Variants in ATRNL1 observed in about 807,000 individuals in gnomAD.
ATRNL1 encodes the protein attractin like 1.
A neutral mutation model predicts 182.7 loss-of-function variants in ATRNL1; 95 were observed. The observed-to-expected ratio is 0.52, with a 90% CI of 0.44 to 0.62. The LOEUF is 0.62. Among genes scored for constraint, ATRNL1 ranks in the 20% least tolerant of loss-of-function variants. The pLI is 0.00. For missense variants in ATRNL1, 1,471 were observed against 1,679.5 expected, an observed-to-expected ratio of 0.88 and a Z score of 2.17; for synonymous variants, 576 against 568.3, an observed-to-expected ratio of 1.01 and a Z score of -0.19.
intron 26 of ATRNL1, among the ~76,000 whole-genome samples, chr10:115,673,561 C>A (rs1945767197): frequency 6.6e-6 from 1 of 152,076 alleles, no homozygotes; most frequent in Non-Finnish European, 1.5e-5. Flanking sequence ...CCAGTAATTT[C>A]TAAGCCAAGT....
intron 26 of ATRNL1, among the ~76,000 whole-genome samples, chr10:115,663,859 A>G (rs898106218): frequency 6.6e-6 from 1 of 151,630 alleles, no homozygotes; most frequent in African/African-American, 2.4e-5. Context: ...CTTTTAGCAC[A>G]GTGGCCCCAT....
At chr10:115,217,839 A>G (rs1169693957) in intron 9 of ATRNL1, among the ~76,000 whole-genome samples, 2 of 152,178 alleles carry the variant, frequency 1.3e-5, no homozygotes, top group South Asian at 2.1e-4. Context: ...TTAAACACAC[A>G]AAGTTATCAG....
intron 21 of ATRNL1, among the ~76,000 whole-genome samples, chr10:115,447,261 A>G (rs1159447729): frequency 6.6e-6 from 1 of 151,842 alleles, no homozygotes; most frequent in Non-Finnish European, 1.5e-5. Flanking sequence ...ATAAAGCTTA[A>G]CGCCTTGCTC....
In ATRNL1 at chr10:115,266,996, C is replaced by T; in HGVS notation, c.1972C>T (p.Pro658Ser). The stretch of plus-strand genomic sequence containing the variant: ...TAATATTCTTAGAGCAAAGTGCCCT[C>T]CTAAAACAGGTAAATTTCTTTTTCT... Reference protein sequence around the residue: ...TNNILRAKCPPKTAASDDRCY... With the variant: ...TNNILRAKCPSKTAASDDRCY... Residue 658 changes from proline (P) to serine (S), a missense_variant, in exon 12 of 29, where the codon CCT becomes TCT. By Grantham distance (74) the Pro-to-Ser change is moderately conservative (BLOSUM62 -1). Transcript: ENST00000355044. 1.1e-5 allele frequency: 18 copies of T among 1,597,422 alleles called. No homozygotes were observed. The highest frequency in any genetic ancestry group is 1.5e-5 in the Non-Finnish European group (18 of 1,169,730).
chr10:115,760,936 T>C (rs1448133979), intron 27 of ATRNL1, among the ~76,000 whole-genome samples: 3 of 152,208 alleles, frequency 2.0e-5, no homozygotes, highest in African/African-American at 4.8e-5. Flanking sequence ...AGCTTTAGGA[T>C]AGGCGCAGTC....
At chr10:115,535,507 G>T (rs12359213) in intron 25 of ATRNL1, among the ~76,000 whole-genome samples, 58,868 of 146,588 alleles carry the variant, frequency 0.4, 12,469 homozygotes, top group Middle Eastern at 0.5. Flanking sequence ...TTATACATTA[G>T]TCTAAATTTT....
intron 21 of ATRNL1, among the ~76,000 whole-genome samples, chr10:115,429,800 GCTCACACCTGTAATCCCAGCA>G (rs1258223765): frequency 6.6e-6 from 1 of 152,098 alleles, no homozygotes; most frequent in Non-Finnish European, 1.5e-5. Flanking sequence ...GGGCGCTGTG[GCTCACACCTGTAATCCCAGCA>G]CTTTGGGAGG....
intron 24 of ATRNL1, among the ~76,000 whole-genome samples, chr10:115,488,852 G>T (rs1447137400): frequency 1.3e-5 from 2 of 152,108 alleles, no homozygotes; most frequent in Admixed American, 1.3e-4. Flanking sequence ...GCTTTCTGTT[G>T]TGGGCATTTA....
Position 115,874,020 on chromosome 10 carries a change from T to C in ATRNL1, c.4018+26029T>C, listed in dbSNP as rs113738535. Among the ~76,000 whole-genome samples the C allele has an allele frequency of 5.2e-3, 798 of 152,262 alleles. 7 individuals carry two copies. Among genetic ancestry groups the C allele is most frequent in the African/African-American group, 0.018 (749 of 41,550 alleles). On this transcript the variant is annotated intron_variant, in intron 28 of 28. Transcript: ENST00000355044. ...AGGTCTGAGAGGATCAAAATTGGTA[T>C]CCAGAAATGGCACCACCACTCTCCC...
chr10:115,866,925 C>T (rs868960485), intron 28 of ATRNL1, among the ~76,000 whole-genome samples: 1 of 152,152 alleles, frequency 6.6e-6, no homozygotes, highest in South Asian at 2.1e-4. Context: ...TCATGTGTGT[C>T]ACCAGCAGCT....
At chr10:115,318,438 GT>G (rs1554930390) in intron 18 of ATRNL1, among the ~76,000 whole-genome samples, 1 of 152,138 alleles carries the variant, frequency 6.6e-6, no homozygotes, top group African/African-American at 2.4e-5. Flanking sequence ...CCTTTCAGTT[GT>G]TTGGAATAGT....
chr10:115,653,132 C>G (rs1860116635), intron 26 of ATRNL1, among the ~76,000 whole-genome samples: 2 of 152,138 alleles, frequency 1.3e-5, no homozygotes, highest in African/African-American at 4.8e-5. Context: ...AGATTTATGA[C>G]ATTAAATGTA....
At chr10:115,525,307 G>A (rs187658126) in intron 25 of ATRNL1, among the ~76,000 whole-genome samples, 25 of 152,294 alleles carry the variant, frequency 1.6e-4, no homozygotes, top group East Asian at 1.3e-3. Flanking sequence ...TTGGCAGTTC[G>A]TCCAATCTTG....
intron 26 of ATRNL1, among the ~76,000 whole-genome samples, chr10:115,688,567 G>A (rs1946292542): frequency 1.3e-5 from 2 of 152,120 alleles, no homozygotes; most frequent in African/African-American, 2.4e-5. Flanking sequence ...GATTAGTGAC[G>A]TTGGGGCATT....
rs61866725 is a variant in ATRNL1 at position 115,815,415 on chromosome 10, A to G, written c.3904-32462A>G. Among the ~76,000 whole-genome samples the G allele has an allele frequency of 7.2e-3, 1,036 of 143,032 alleles. 7 individuals are homozygous for G. Among genetic ancestry groups the G allele is most frequent in the East Asian group, 0.05 (243 of 4,818 alleles). The allele number at this position is 143,032 out of a possible 152,430, so 93.8% of individuals were successfully genotyped here. A position where few individuals can be genotyped will look rare whatever the true frequency, so the allele number is the denominator to read the frequency against. On this transcript the variant is annotated intron_variant, in intron 27 of 28. Transcript: ENST00000355044. The stretch of plus-strand genomic sequence containing the variant: ...ATCCACTGGTATGTGGTGTGTGTGT[A>G]TGTGTGTGTGTGTGTGTGTGTGTGT...
chr10:115,606,572 A>C (rs181814382), intron 26 of ATRNL1, among the ~76,000 whole-genome samples: 3 of 152,178 alleles, frequency 2.0e-5, no homozygotes, highest in Admixed American at 6.5e-5. Flanking sequence ...GTAGCATTTC[A>C]ATCTTTTCTT....
intron 28 of ATRNL1, among the ~76,000 whole-genome samples, chr10:115,943,944 G>A (rs1160714698): frequency 2.0e-5 from 3 of 152,052 alleles, no homozygotes; most frequent in African/African-American, 4.8e-5. Context: ...GAAAGGCTAC[G>A]TACTGTGTGA....
intron 7 of ATRNL1, among the ~76,000 whole-genome samples, chr10:115,169,017 CTTT>C (rs71010011): frequency 3.8e-5 from 4 of 104,238 alleles, no homozygotes; most frequent in African/African-American, 3.4e-5. Context: ...GGTGCAAGTT[CTTT>C]TTTTTTTTTT....
At chr10:115,456,851 C>G (rs569033967) in intron 21 of ATRNL1, among the ~76,000 whole-genome samples, 1 of 152,186 alleles carries the variant, frequency 6.6e-6, no homozygotes, top group Admixed American at 6.6e-5. Flanking sequence ...CAATCTCATA[C>G]TGTTTCAGCT....
Sources: gnomAD v4.1 joint callset for allele counts (sites outside exome capture counted in the v4.1 genomes callset) on GRCh38, gnomAD v4.1.1 for gene constraint, MANE v1.5 for transcripts, NCBI Gene and HGNC (gene_info 2026-07-23, HGNC 2026-07-21) for gene names.